The following TVP23A variants were observed in gnomAD, a reference collection of about 807,000 sequenced individuals.
TVP23A encodes Golgi apparatus membrane protein TVP23 homolog A.
TVP23A carries 21 observed loss-of-function variants against 31.7 expected under a neutral mutation model. The ratio of observed to expected loss-of-function variants is 0.66; its 90% CI spans 0.47 to 0.95. The LOEUF (loss-of-function observed/expected upper bound fraction) is 0.95. Among genes scored for constraint, TVP23A ranks in the 40% least tolerant of loss-of-function variants. The pLI is 0.00. For synonymous variants in TVP23A, 104 were observed against 96.0 expected (o/e 1.08, Z -0.49); for missense variants, 279 against 255.6 (o/e 1.09, Z -0.62).
Position 10,774,963 on chromosome 16 carries a change from A to T in TVP23A, c.223T>A (p.Trp75Arg). ...MVLLLLSLDF[W>R]SVKNVTGRLL... ...CGAAAGGGCCTCACCTTCACAGACC[A>T]GAAGTCCAGGGACAGGAGGAGCAGC... Residue 75 changes from tryptophan (W) to arginine (R), a missense_variant, in exon 3 of 8, where the codon TGG (tryptophan) becomes AGG (arginine). Trp to Arg is a moderately radical substitution (Grantham distance 101, BLOSUM62 -3). Transcript: ENST00000299866. 8.1e-6 allele frequency: 13 copies of T among 1,613,044 alleles called. No individual in the cohort carries two copies. The highest frequency in any genetic ancestry group is 1.1e-5 in the Non-Finnish European group (13 of 1,179,404).
chr16:10,775,717 C>T (rs2031961768), intron 2 of TVP23A, among the ~76,000 whole-genome samples: 1 of 149,200 alleles, frequency 6.7e-6, no homozygotes, highest in African/African-American at 2.5e-5. Flanking sequence ...CCAAGGGGAA[C>T]ATGCTCATCC....
In TVP23A at chr16:10,811,860, C is replaced by T. The variant is rs563339293; in HGVS notation, c.89+6243G>A. Among the ~76,000 whole-genome samples the T allele has an allele frequency of 1.5e-4, 22 of 145,202 alleles. No homozygotes were observed. In the South Asian group the frequency reaches 3.7e-3, roughly 24 times the overall value. Reference sequence around the variant, plus strand: ...TGGAGCTTGCAGTGAGCCAAGATCACGCCACTGCACTCCAGCCTGGGGGAC... The same window carrying T: ...TGGAGCTTGCAGTGAGCCAAGATCATGCCACTGCACTCCAGCCTGGGGGAC... On this transcript the variant is annotated intron_variant, in intron 2 of 7. Coordinates refer to ENST00000299866, the MANE Select transcript of TVP23A (RefSeq NM_001079512.4).
intron 6 of TVP23A, among the ~76,000 whole-genome samples, 163 bp from the exon 7 acceptor site, chr16:10,770,494 A>G (rs893362810): frequency 2.6e-5 from 4 of 152,018 alleles, no homozygotes; most frequent in Non-Finnish European, 4.4e-5. Flanking sequence ...GGACGGTTCT[A>G]CCCATTTCAG....
At chr16:10,775,347 C>T in intron 2 of TVP23A, 1 of 1,311,776 alleles carries the variant, frequency 7.6e-7, no homozygotes, top group Non-Finnish European at 9.7e-7. Context: ...CGCCACTTGA[C>T]TCCAAATATC....
chr16:10,761,326 C>G, exon 9 of TVP23A: 1 of 1,592,880 alleles, frequency 6.3e-7, no homozygotes, highest in Non-Finnish European at 8.6e-7. Context: ...CTTTCTCGCA[C>G]TTTGATGCTG....
chr16:10,772,257 G>T (rs1298550964), intron 5 of TVP23A, among the ~76,000 whole-genome samples: 2 of 152,196 alleles, frequency 1.3e-5, no homozygotes, highest in East Asian at 1.9e-4. Flanking sequence ...GAAGACGAAA[G>T]CTGCCCAAGG....
rs935709233 is a variant in TVP23A at position 10,777,816 on chromosome 16, C to T, written c.90-2720G>A. Among the ~76,000 whole-genome samples, 1 of 151,524 alleles carries T rather than the reference C, an allele frequency of 6.6e-6. No individual in the cohort carries two copies. Among genetic ancestry groups the T allele is most frequent in the African/African-American group, 2.4e-5 (1 of 41,268 alleles). On this transcript the variant is annotated intron_variant, in intron 2 of 7. Transcript: ENST00000299866. The surrounding 1 kb of genome is among the most constrained non-coding windows in gnomAD (Gnocchi z 4.5). ...CACGAGGTCAAGAGACTGAGACCATCCCTGGCCAACATGGTGAAACCCCGT... is the reference window on the plus strand; with the variant it reads ...CACGAGGTCAAGAGACTGAGACCATTCCTGGCCAACATGGTGAAACCCCGT...
intron 5 of TVP23A, among the ~76,000 whole-genome samples, chr16:10,772,402 C>T (rs1051358002): frequency 6.6e-6 from 1 of 152,202 alleles, no homozygotes; most frequent in African/African-American, 2.4e-5. Context: ...CGGAGCCTCA[C>T]TCTGTCACCC....
intron 2 of TVP23A, among the ~76,000 whole-genome samples, chr16:10,803,883 A>G (rs2033824533): frequency 6.6e-6 from 1 of 152,220 alleles, no homozygotes; most frequent in Non-Finnish European, 1.5e-5. Context: ...ATGTTTGGAA[A>G]TTAGACAGTG....
intron 2 of TVP23A, among the ~76,000 whole-genome samples, chr16:10,805,603 G>A (rs994670120): frequency 1.3e-4 from 20 of 150,578 alleles, no homozygotes; most frequent in Non-Finnish European, 2.1e-4. Context: ...TGGAACCCCC[G>A]AGGCTGGGCT....
chr16:10,817,935 A>G (rs572607755), intron 2 of TVP23A, among the ~76,000 whole-genome samples, 168 bp downstream of exon 2: 11 of 152,214 alleles, frequency 7.2e-5, no homozygotes, highest in East Asian at 1.9e-4. Context: ...CCCTCTCCCA[A>G]TGCAGGCTCC....
At chr16:10,808,661 C>A in intron 2 of TVP23A, 1 of 392,022 alleles carries the variant, frequency 2.6e-6, no homozygotes, top group Non-Finnish European at 5.1e-6. Flanking sequence ...CTTGTATTCC[C>A]AGCTACTGAG....
Position 10,775,004 on chromosome 16 carries a change from C to A in TVP23A, c.182G>T (p.Gly61Val), listed in dbSNP as rs1232747973. Reference sequence around the variant, plus strand: ...GAGGAGCAGCACCATGACAAAACAGCCCACAAAGCTCTTGCTGAACCAGTC... The same window carrying A: ...GAGGAGCAGCACCATGACAAAACAGACCACAAAGCTCTTGCTGAACCAGTC... Reference protein sequence around the residue: ...SCDWFSKSFVGCFVMVLLLLS... With the variant: ...SCDWFSKSFVVCFVMVLLLLS... Residue 61 changes from glycine to valine, a missense_variant, in exon 3 of 8, where the codon GGC becomes GTC. By Grantham distance (109) the Gly-to-Val change is moderately radical. Coordinates refer to ENST00000299866, the MANE Select transcript of TVP23A (RefSeq NM_001079512.4). 2 of 1,612,726 alleles carry A rather than the reference C, an allele frequency of 1.2e-6. No homozygotes were observed. The highest frequency in any genetic ancestry group is 2.7e-5 in the African/African-American group (2 of 74,878).
intron 2 of TVP23A, among the ~76,000 whole-genome samples, chr16:10,793,687 G>C (rs2033226404): frequency 6.6e-6 from 1 of 151,838 alleles, no homozygotes; most frequent in Non-Finnish European, 1.5e-5. Flanking sequence ...TTGAGCTCAG[G>C]AGTTTGAGAC....
At chr16:10,811,882 G>A (rs1330719062) in intron 2 of TVP23A, among the ~76,000 whole-genome samples, 26 of 144,640 alleles carry the variant, frequency 1.8e-4, no homozygotes, top group Non-Finnish European at 3.2e-4. Context: ...CCAGCCTGGG[G>A]GACAGAGCAA....
At chr16:10,790,340 A>G (rs1304036065) in intron 2 of TVP23A, among the ~76,000 whole-genome samples, 2 of 135,750 alleles carry the variant, frequency 1.5e-5, no homozygotes, top group Non-Finnish European at 3.0e-5. Context: ...GCTGGAGTGC[A>G]GTGGCGTGAT....
intron 5 of TVP23A, among the ~76,000 whole-genome samples, chr16:10,772,206 C>T (rs1019291108): frequency 6.6e-6 from 1 of 152,158 alleles, no homozygotes; most frequent in Admixed American, 6.6e-5. Context: ...GAGGTTGCCA[C>T]CATCATCATC....
chr16:10,770,090 A>G (rs900015026), intron 7 of TVP23A, among the ~76,000 whole-genome samples, 182 bp downstream of exon 7: 1 of 152,160 alleles, frequency 6.6e-6, no homozygotes, highest in African/African-American at 2.4e-5. Flanking sequence ...TCACGCCAAG[A>G]GCAATGAGGC....
chr16:10,816,228 CAAAAAAAA>C lies in TVP23A; in HGVS notation c.89+1867_89+1874del, dbSNP rs760801777. 4.1e-3 allele frequency among the ~76,000 whole-genome samples: 301 copies of C among 73,846 alleles called. 4 individuals are homozygous for C. The highest frequency in any genetic ancestry group is 0.011 in the African/African-American group (283 of 26,686). 48.4% of individuals were successfully genotyped at this position (73,846 alleles called of 152,430 possible). A position where few individuals can be genotyped will look rare whatever the true frequency, so the allele number is the denominator to read the frequency against. On this transcript the variant is annotated intron_variant, in intron 2 of 7. Transcript: ENST00000299866. ...TTGGCAACAGAGCAAAACCCTATCT[CAAAAAAAA>C]AAAAAAAAAAAAGAAATCCAGGTTC... is the stretch of plus-strand genomic sequence containing the variant.
Sources: gnomAD v4.1 joint callset for allele counts (sites outside exome capture counted in the v4.1 genomes callset) on GRCh38, gnomAD v4.1.1 for gene constraint, Gnocchi (gnomAD v3.1) non-coding constraint, MANE v1.5 for transcripts, NCBI Gene and HGNC (gene_info 2026-07-23, HGNC 2026-07-21) for gene names.